The following PCDHGA6 variants were observed in gnomAD, a reference collection of about 807,000 sequenced individuals.
PCDHGA6 encodes protocadherin gamma-A6.
PCDHGA6 carries 41 observed loss-of-function variants against 60.6 expected under a neutral mutation model. The ratio of observed to expected loss-of-function variants is 0.68; its 90% confidence interval spans 0.53 to 0.88. The LOEUF is 0.88. Ranked by LOEUF, PCDHGA6 falls within the 40% of genes least tolerant of loss-of-function variation. PCDHGA6 has a pLI of 0.00. For missense variants in PCDHGA6, 1,312 were observed against 1,203.0 expected (o/e 1.09, Z -1.34); for synonymous variants, 594 against 524.4 (o/e 1.13, Z -1.81).
intron 1 of PCDHGA6, chr5:141,471,417 T>A (rs1174855045): frequency 6.6e-6 from 1 of 152,190 alleles, no homozygotes; most frequent in Non-Finnish European, 1.5e-5. Flanking sequence ...GTTATGTTTT[T>A]AGCAAGGAAA....
rs373421472 is a variant in PCDHGA6, at chr5:141,472,201, A to G, written c.2425-22606A>G. ...GTATTGGAATTTGAATCTTTTTGAC[A>G]CTAAGACCTTACTCTCGATCATATA... is the stretch of plus-strand genomic sequence containing the variant. On this transcript the variant is annotated intron_variant, in intron 1 of 3. Coordinates refer to ENST00000517434, the MANE Select transcript of PCDHGA6 (RefSeq NM_018919.3). Among the ~76,000 whole-genome samples the G allele has an allele frequency of 5.6e-4, 86 of 152,320 alleles. 2 individuals are homozygous for G. The South Asian group carries it at 0.017, about 30-fold the overall frequency.
intron 1 of PCDHGA6, chr5:141,400,265 G>T (rs2093992954): frequency 6.2e-7 from 1 of 1,613,876 alleles, no homozygotes. Context: ...CGCCTGCGAC[G>T]CTCCTCCAGC....
chr5:141,375,234 G>C lies in PCDHGA6; in HGVS notation c.1151G>C (p.Cys384Ser), dbSNP rs371683670. 16 of 1,613,840 alleles carry C rather than the reference G, an allele frequency of 9.9e-6. No individual in the cohort carries two copies. The highest frequency in any genetic ancestry group is 1.3e-5 in the African/African-American group (1 of 74,926). Residue 384 changes from cysteine to serine, a missense_variant, in exon 1 of 4, where the codon TGT (cysteine) becomes TCT (serine). By Grantham distance (112) the Cys-to-Ser change is moderately radical. Transcript: ENST00000517434. ...RDSGLNGLVT[C>S]SIPRSLPFEL... ...TCTGGCCTGAATGGCCTGGTAACCT[G>C]TTCCATCCCGAGAAGTCTCCCATTT...
Position 141,491,883 on chromosome 5 carries a change from G to T in PCDHGA6, c.2425-2924G>T. On this transcript the variant is annotated intron_variant, in intron 1 of 3. Transcript: ENST00000517434. The surrounding 1 kb of genome is among the most constrained non-coding windows in gnomAD (Gnocchi z 6.9). The stretch of plus-strand genomic sequence containing the variant: ...AAACCAGAGTGGCCGATTAAGGGAT[G>T]GGGCTCCGAGCACCGGGGGTGGTGG... 1 of 1,446,756 alleles carries T rather than the reference G, an allele frequency of 6.9e-7. No individual in the cohort carries two copies. Among genetic ancestry groups the T allele is most frequent in the South Asian group, 1.5e-5 (1 of 67,644 alleles). 89.6% of individuals were successfully genotyped at this position (1,446,756 alleles called of 1,614,324 possible). A position where few individuals can be genotyped will look rare whatever the true frequency, so the allele number is the denominator to read the frequency against.
intron 1 of PCDHGA6, chr5:141,377,128 G>A (rs1175570742): frequency 6.6e-6 from 1 of 152,206 alleles, no homozygotes; most frequent in Admixed American, 6.5e-5. Context: ...TCTTAATTTT[G>A]TGGGGGAAAA....
At chr5:141,405,020 A>G in intron 1 of PCDHGA6, 1 of 1,613,342 alleles carries the variant, frequency 6.2e-7, no homozygotes, top group Non-Finnish European at 8.5e-7. Context: ...CTCAGACCTT[A>G]CCCTCTACCT....
Position 141,374,258 on chromosome 5 carries a change from T to C in PCDHGA6, c.175T>C (p.Leu59=). 2.5e-6 allele frequency: 4 copies of C among 1,613,924 alleles called. No homozygotes were observed. Among genetic ancestry groups the C allele is most frequent in the East Asian group, 2.2e-5 (1 of 44,868 alleles). The change falls in exon 1 of 4, where the codon TTG becomes CTG. Residue 59 remains leucine, a synonymous_variant. Coordinates refer to ENST00000517434, the MANE Select transcript of PCDHGA6 (RefSeq NM_018919.3). ...VKDLGLEPQE[L]AEHGVRIVSR... ...GGATCTGGGACTGGAGCCCCAGGAG[T>C]TGGCGGAGCACGGAGTCCGCATCGT...
intron 1 of PCDHGA6, chr5:141,398,074 T>A: frequency 6.3e-7 from 1 of 1,590,802 alleles, no homozygotes; most frequent in Non-Finnish European, 8.6e-7. Context: ...ATACAGAGGT[T>A]ATTTGTAACC....
intron 1 of PCDHGA6, chr5:141,419,897 A>G: frequency 1.2e-6 from 2 of 1,613,960 alleles, no homozygotes; most frequent in African/African-American, 2.7e-5. Flanking sequence ...CGACCATCCC[A>G]CACCCTCTGA....
At position 141,422,383 on chromosome 5, in the gene PCDHGA6, T is replaced by C. The variant is rs201301291; in HGVS notation, c.2424+45876T>C. On this transcript the variant is annotated intron_variant, in intron 1 of 3. Transcript: ENST00000517434. ...TGGAGAAAATGGTCAAGTCTCCTGT[T>C]TTATTCCTAACCACCTGCCTTTTAA... 554 of 1,586,008 alleles carry C rather than the reference T, an allele frequency of 3.5e-4. 2 individuals are homozygous for C. The African/African-American group carries it at 6.9e-3, about 20-fold the overall frequency.
At chr5:141,394,467 G>A (rs558211393) in intron 1 of PCDHGA6, 3 of 1,614,238 alleles carry the variant, frequency 1.9e-6, no homozygotes, top group Admixed American at 1.7e-5. Flanking sequence ...GAGCCTGTTC[G>A]TGCTGGACCA....
chr5:141,393,263 A>G, intron 1 of PCDHGA6: 2 of 1,613,926 alleles, frequency 1.2e-6, no homozygotes, highest in Non-Finnish European at 1.7e-6. Context: ...TTCCTGGAGC[A>G]CGTTATCCAC....
intron 1 of PCDHGA6, chr5:141,404,067 A>G (rs540954192): frequency 3.7e-6 from 6 of 1,613,894 alleles, no homozygotes; most frequent in South Asian, 2.2e-5. Context: ...TTCAATGCTC[A>G]TGACCGAGAC....
At chr5:141,396,974 T>C (rs947865597) in intron 1 of PCDHGA6, among the ~76,000 whole-genome samples, 3 of 152,218 alleles carry the variant, frequency 2.0e-5, no homozygotes, top group Admixed American at 6.5e-5. Flanking sequence ...CCTAAAAATG[T>C]TGGCTAGTTG....
At chr5:141,409,632 C>G (rs1279542488) in intron 1 of PCDHGA6, 1 of 1,613,848 alleles carries the variant, frequency 6.2e-7, no homozygotes, top group East Asian at 2.2e-5. Context: ...GTGAGCGCCT[C>G]TGACCCGGAT....
chr5:141,460,995 A>ATG lies in PCDHGA6; in HGVS notation c.2425-33808_2425-33807dup, dbSNP rs1561986931. Among the ~76,000 whole-genome samples the ATG allele has an allele frequency of 5.3e-5, 8 of 150,188 alleles. No homozygotes were observed. The East Asian group carries it at 1.4e-3, about 26-fold the overall frequency. On this transcript the variant is annotated intron_variant, in intron 1 of 3. Transcript: ENST00000517434. ...TGTGTGTGTGTGTGTATATATATAT[A>ATG]TGTGTATATATATATACCACATTTT...
At chr5:141,405,173 G>A (rs774181376) in intron 1 of PCDHGA6, 1 of 1,614,122 alleles carries the variant, frequency 6.2e-7, no homozygotes, top group Non-Finnish European at 8.5e-7. Context: ...CTCACACTTT[G>A]TGGGTGTAGA....
chr5:141,420,975 G>A, intron 1 of PCDHGA6: 2 of 458,946 alleles, frequency 4.4e-6, no homozygotes, highest in South Asian at 4.2e-5. Context: ...TAATAAGAAT[G>A]GGCTCTAGGC....
At chr5:141,419,315 C>T in intron 1 of PCDHGA6, 1 of 1,613,998 alleles carries the variant, frequency 6.2e-7, no homozygotes. Flanking sequence ...GCTCAACGGC[C>T]GTGTCTCCTA....
Sources: gnomAD v4.1 joint callset for allele counts (sites outside exome capture counted in the v4.1 genomes callset) on GRCh38, gnomAD v4.1.1 for gene constraint, Gnocchi (gnomAD v3.1) non-coding constraint, MANE v1.5 for transcripts, NCBI Gene and HGNC (gene_info 2026-07-23, HGNC 2026-07-21) for gene names.